CACNA2D3: variants seen among roughly 807,000 people sequenced by gnomAD.
CACNA2D3 encodes the protein voltage-dependent calcium channel subunit alpha-2/delta-3.
In CACNA2D3, 60 loss-of-function variants were observed where a neutral mutation model predicts 160.6. The observed-to-expected ratio is 0.37, with a 90% CI of 0.30 to 0.46. The LOEUF (loss-of-function observed/expected upper bound fraction) is 0.46, where lower values mean the gene tolerates loss of function less well. Ranked by LOEUF, CACNA2D3 falls within the 20% of genes least tolerant of loss-of-function variation. The pLI is 1.00. For missense variants in CACNA2D3, 1,205 were observed against 1,365.0 expected, an observed-to-expected ratio of 0.88 and a Z score of 1.85; for synonymous variants, 558 against 492.9, an observed-to-expected ratio of 1.13 and a Z score of -1.75.
At chr3:54,646,146 CCT>C (rs1559537859) in intron 11 of CACNA2D3, among the ~76,000 whole-genome samples, 371 of 20,634 alleles carry the variant, frequency 0.018, 58 homozygotes, top group Non-Finnish European at 0.046. Context: ...TTCCTTCCTT[CCT>C]TCCCTCCCTC....
chr3:54,149,755 A>G (rs996220090), intron 2 of CACNA2D3, among the ~76,000 whole-genome samples: 5 of 152,118 alleles, frequency 3.3e-5, no homozygotes, highest in Non-Finnish European at 5.9e-5. Context: ...TACCCACAGC[A>G]GTGTACCTCC....
At chr3:54,683,787 A>G (rs1700397078) in intron 11 of CACNA2D3, among the ~76,000 whole-genome samples, 2 of 152,130 alleles carry the variant, frequency 1.3e-5, no homozygotes, top group South Asian at 2.1e-4. Flanking sequence ...AGGTGTTGTC[A>G]GGGCCGTGGT....
chr3:54,293,766 A>G (rs1289990962), intron 2 of CACNA2D3, among the ~76,000 whole-genome samples: 1 of 152,206 alleles, frequency 6.6e-6, no homozygotes, highest in African/African-American at 2.4e-5. Context: ...GACAGAGAAT[A>G]GATCTGTGGT....
intron 2 of CACNA2D3, among the ~76,000 whole-genome samples, chr3:54,188,228 A>AAAACAAACAAACAAAC (rs138439909): frequency 9.3e-5 from 14 of 150,342 alleles, no homozygotes; most frequent in East Asian, 5.9e-4. Context: ...GGAGAACTTA[A>AAAACAAACAAACAAAC]AAACAAACAA....
intron 32 of CACNA2D3, among the ~76,000 whole-genome samples, chr3:55,005,181 C>T (rs1009780134): frequency 2.0e-5 from 3 of 151,904 alleles, no homozygotes; most frequent in Non-Finnish European, 2.9e-5. Flanking sequence ...GAGGCTGAGG[C>T]GGGAGAACCG....
Position 54,965,368 on chromosome 3 carries a change from C to G in CACNA2D3, c.2450-3082C>G, listed in dbSNP as rs1575411769. On this transcript the variant is annotated intron_variant, in intron 27 of 37. Coordinates refer to ENST00000474759, the MANE Select transcript of CACNA2D3 (RefSeq NM_018398.3). ...AAATGATGGTCTTTAAAAAGGTTCT[C>G]TCCCTTCCCCTCCCTTACTGTTTCC... Among the ~76,000 whole-genome samples, 8 of 152,294 alleles carry G rather than the reference C, an allele frequency of 5.3e-5. 1 individual carries two copies. The highest frequency in any genetic ancestry group is 5.2e-4 in the Admixed American group (8 of 15,298).
At chr3:54,454,093 A>T (rs1199684276) in intron 4 of CACNA2D3, among the ~76,000 whole-genome samples, 1 of 152,190 alleles carries the variant, frequency 6.6e-6, no homozygotes, top group Non-Finnish European at 1.5e-5. Context: ...TAACAGTCCT[A>T]TGAATCTGCA....
At chr3:54,754,269 C>G (rs561192878) in intron 12 of CACNA2D3, among the ~76,000 whole-genome samples, 12 of 152,148 alleles carry the variant, frequency 7.9e-5, no homozygotes, top group Admixed American at 2.0e-4. Context: ...GGAGGAGAGT[C>G]CAGACTCCTT....
intron 3 of CACNA2D3, among the ~76,000 whole-genome samples, chr3:54,330,932 C>T (rs1704235261): frequency 6.6e-6 from 1 of 152,076 alleles, no homozygotes; most frequent in South Asian, 2.1e-4. Context: ...GCCTCTGAGA[C>T]CAGATTTGGT....
At chr3:54,861,751 G>A (rs555562211) in intron 17 of CACNA2D3, among the ~76,000 whole-genome samples, 1 of 152,234 alleles carries the variant, frequency 6.6e-6, no homozygotes, top group African/African-American at 2.4e-5. Context: ...AATGGACATG[G>A]TAGGTTGATG....
rs576215857 is a variant in CACNA2D3 at position 54,804,341 on chromosome 3, A to G, written c.1381-12512A>G. On this transcript the variant is annotated intron_variant, in intron 13 of 37. Transcript: ENST00000474759. The stretch of plus-strand genomic sequence containing the variant: ...ACATGCAGAGACACACATAGGCTCA[A>G]AATAAAAGGATGGAGGAAGATCTAC... Among the ~76,000 whole-genome samples the G allele has an allele frequency of 3.3e-5, 5 of 152,212 alleles. No homozygotes were observed. The East Asian group carries it at 7.7e-4, about 23-fold the overall frequency.
chr3:54,355,974 A>C (rs1575412565), intron 3 of CACNA2D3, among the ~76,000 whole-genome samples: 1 of 152,252 alleles, frequency 6.6e-6, no homozygotes, highest in Non-Finnish European at 1.5e-5. Context: ...GGAACTGCTA[A>C]GTCCTTGGTC....
chr3:54,208,439 A>G (rs1245369901), intron 2 of CACNA2D3, among the ~76,000 whole-genome samples: 1 of 152,176 alleles, frequency 6.6e-6, no homozygotes, highest in Non-Finnish European at 1.5e-5. Flanking sequence ...GGTTTGCTTC[A>G]GGTACCTGCC....
At chr3:54,407,802 C>T (rs1187087470) in intron 4 of CACNA2D3, among the ~76,000 whole-genome samples, 1 of 152,046 alleles carries the variant, frequency 6.6e-6, no homozygotes, top group Non-Finnish European at 1.5e-5. Flanking sequence ...AGAGCCTTGG[C>T]CTGGAGGTTG....
At chr3:54,417,902 T>C (rs992162982) in intron 4 of CACNA2D3, among the ~76,000 whole-genome samples, 3 of 152,042 alleles carry the variant, frequency 2.0e-5, no homozygotes, top group African/African-American at 7.2e-5. Context: ...TCCTCCCATC[T>C]CAGCCTCCTA....
chr3:54,829,297 C>T (rs1193247960), intron 14 of CACNA2D3, among the ~76,000 whole-genome samples: 1 of 152,150 alleles, frequency 6.6e-6, no homozygotes, highest in Non-Finnish European at 1.5e-5. Context: ...ATGCCTAGCA[C>T]AGTCTTACTA....
chr3:54,637,570 G>GTCAA (rs1222633762), intron 10 of CACNA2D3: 2 of 151,980 alleles, frequency 1.3e-5, no homozygotes, highest in African/African-American at 4.8e-5. Context: ...AAGCCTGGCT[G>GTCAA]TCAATACTCA....
At chr3:54,771,868 G>A (rs1702328492) in intron 13 of CACNA2D3, among the ~76,000 whole-genome samples, 1 of 152,050 alleles carries the variant, frequency 6.6e-6, no homozygotes, top group Non-Finnish European at 1.5e-5. Flanking sequence ...TACCCCAGTG[G>A]TCTCTGTCCA....
At chr3:54,255,181 A>G (rs918857993) in intron 2 of CACNA2D3, among the ~76,000 whole-genome samples, 4 of 152,334 alleles carry the variant, frequency 2.6e-5, no homozygotes, top group African/African-American at 9.6e-5. Context: ...AGTAATGTTT[A>G]TAGAGCTAAG....
Sources: gnomAD v4.1 joint callset for allele counts (sites outside exome capture counted in the v4.1 genomes callset) on GRCh38, gnomAD v4.1.1 for gene constraint, MANE v1.5 for transcripts, NCBI Gene and HGNC (gene_info 2026-07-23, HGNC 2026-07-21) for gene names.